Variants in CADM2 observed in about 807,000 individuals in gnomAD.
CADM2 encodes cell adhesion molecule 2.
A neutral mutation model predicts 49.8 loss-of-function variants in CADM2; 12 were observed. The observed-to-expected ratio is 0.24, with a 90% CI of 0.15 to 0.39. The LOEUF (loss-of-function observed/expected upper bound fraction) is 0.39, where lower values mean the gene tolerates loss of function less well. CADM2 is among the 10% of genes least tolerant of loss of function. The pLI, the probability that CADM2 is intolerant of heterozygous loss-of-function variation, is 1.00. For missense variants in CADM2, 378 were observed against 492.3 expected (o/e 0.77, Z 2.20); for synonymous variants, 214 against 175.4 (o/e 1.22, Z -1.74).
intron 1 of CADM2, among the ~76,000 whole-genome samples, chr3:85,708,251 G>C (rs2067008180): frequency 6.6e-6 from 1 of 152,048 alleles, no homozygotes; most frequent in South Asian, 2.1e-4. Flanking sequence ...CATTGTGAAA[G>C]TATAATCTTA....
chr3:85,020,938 T>C (rs1009435660), intron 1 of CADM2, among the ~76,000 whole-genome samples: 3 of 152,040 alleles, frequency 2.0e-5, no homozygotes, highest in African/African-American at 7.2e-5. Flanking sequence ...TTATATGGCA[T>C]TAATTTTTTC....
chr3:85,637,534 G>A (rs372440096), intron 1 of CADM2, among the ~76,000 whole-genome samples: 5 of 148,098 alleles, frequency 3.4e-5, no homozygotes, highest in African/African-American at 7.5e-5. Context: ...CCCGGGAAGC[G>A]GAGCTTGCAG....
chr3:85,933,487 AAGAC>A (rs1170751752), intron 6 of CADM2, among the ~76,000 whole-genome samples: 4 of 152,096 alleles, frequency 2.6e-5, no homozygotes, highest in Non-Finnish European at 5.9e-5. Flanking sequence ...CGCTCAATAA[AAGAC>A]AGCCTCAGGG....
At chr3:85,928,758 C>T (rs1720228485) in intron 6 of CADM2, among the ~76,000 whole-genome samples, 1 of 152,064 alleles carries the variant, frequency 6.6e-6, no homozygotes, top group South Asian at 2.1e-4. Flanking sequence ...TTGTACAAAA[C>T]TTCAGTTTTT....
intron 1 of CADM2, among the ~76,000 whole-genome samples, chr3:85,563,297 G>A (rs2062151085): frequency 6.6e-6 from 1 of 151,708 alleles, no homozygotes; most frequent in East Asian, 1.9e-4. Flanking sequence ...GTGGATTGAA[G>A]GGGGAATTTG....
chr3:85,157,536 C>T (rs1044392243), intron 1 of CADM2, among the ~76,000 whole-genome samples: 2 of 152,024 alleles, frequency 1.3e-5, no homozygotes, highest in African/African-American at 2.4e-5. Flanking sequence ...AATAATGCCG[C>T]ATATCTACAA....
At chr3:85,267,486 T>A (rs2043147258) in intron 1 of CADM2, among the ~76,000 whole-genome samples, 1 of 151,768 alleles carries the variant, frequency 6.6e-6, no homozygotes, top group Non-Finnish European at 1.5e-5. Flanking sequence ...ACCCACCATA[T>A]TTAAGATTGC....
At chr3:85,189,174 T>A (rs1021911565) in intron 1 of CADM2, among the ~76,000 whole-genome samples, 12 of 151,956 alleles carry the variant, frequency 7.9e-5, no homozygotes, top group African/African-American at 2.9e-4. Context: ...TTCAAACTAA[T>A]CACAATTTAA....
In CADM2 at chr3:85,303,153, C is replaced by T. The variant is rs192782693; in HGVS notation, c.61+343485C>T. Among the ~76,000 whole-genome samples, 18 of 151,886 alleles carry T rather than the reference C, an allele frequency of 1.2e-4. No individual in the cohort carries two copies. In the East Asian group the frequency reaches 3.3e-3, roughly 28 times the overall value. On this transcript the variant is annotated intron_variant, in intron 1 of 9. Transcript: ENST00000383699. ...TCTCGTAGTATTAATTGTGTGCTGC[C>T]GAAAGCCTTCCTTAGCATGACATTC...
chr3:85,231,707 CTTT>C (rs754139147), intron 1 of CADM2, among the ~76,000 whole-genome samples: 3 of 130,688 alleles, frequency 2.3e-5, no homozygotes, highest in Admixed American at 7.7e-5. Flanking sequence ...AGTTTCCTTT[CTTT>C]TTTTTTTTTT....
chr3:85,441,928 C>G (rs112229357), intron 1 of CADM2, among the ~76,000 whole-genome samples: 2,988 of 151,990 alleles, frequency 0.02, 85 homozygotes, highest in African/African-American at 0.067. Context: ...GAACTATAAG[C>G]AGAAGAACAA....
chr3:85,360,320 G>C (rs11917490), intron 1 of CADM2, among the ~76,000 whole-genome samples: 1 of 151,826 alleles, frequency 6.6e-6, no homozygotes, highest in Non-Finnish European at 1.5e-5. Flanking sequence ...AGTTTTTAAA[G>C]TATATGTTCT....
chr3:85,370,896 C>T (rs992224673), intron 1 of CADM2, among the ~76,000 whole-genome samples: 43 of 151,922 alleles, frequency 2.8e-4, no homozygotes, highest in African/African-American at 9.2e-4. Context: ...ACTGGGCTAA[C>T]GTGTGTGTTT....
intron 3 of CADM2, among the ~76,000 whole-genome samples, chr3:85,825,324 C>G (rs2073843638): frequency 6.6e-6 from 1 of 151,994 alleles, no homozygotes; most frequent in Non-Finnish European, 1.5e-5. Context: ...ATGAATAGCT[C>G]ATGGACCAGA....
At chr3:85,205,724 T>C (rs1034929857) in intron 1 of CADM2, among the ~76,000 whole-genome samples, 5 of 152,096 alleles carry the variant, frequency 3.3e-5, no homozygotes, top group African/African-American at 1.2e-4. Context: ...TTACAATATA[T>C]TTGTAATGCT....
chr3:85,874,617 T>A (rs1250961765), intron 3 of CADM2, among the ~76,000 whole-genome samples: 1 of 152,130 alleles, frequency 6.6e-6, no homozygotes. Flanking sequence ...AAAATTGTTA[T>A]GGTTCAAATA....
chr3:86,005,496 A>G (rs1378818527), intron 8 of CADM2, among the ~76,000 whole-genome samples: 1 of 151,184 alleles, frequency 6.6e-6, no homozygotes, highest in Non-Finnish European at 1.5e-5. Context: ...GATTGCCGTG[A>G]GCCGAGATCA....
intron 1 of CADM2, among the ~76,000 whole-genome samples, chr3:85,708,587 G>A (rs1157143330): frequency 2.0e-5 from 3 of 152,132 alleles, no homozygotes; most frequent in African/African-American, 7.2e-5. Context: ...ATGGATCACT[G>A]TAAGTCTTTA....
chr3:85,516,929 T>A (rs1457721988), intron 1 of CADM2, among the ~76,000 whole-genome samples: 2 of 151,968 alleles, frequency 1.3e-5, no homozygotes, highest in African/African-American at 4.8e-5. Flanking sequence ...TCCTTTTCAC[T>A]TCCTTAATTT....
Sources: allele counts gnomAD v4.1 joint callset (sites outside exome capture counted in the v4.1 genomes callset), GRCh38; gene constraint gnomAD v4.1.1; transcripts MANE v1.5; gene names NCBI Gene and HGNC (gene_info 2026-07-23, HGNC 2026-07-21).